The following APP variants were observed in gnomAD, a reference collection of about 807,000 sequenced individuals.
APP encodes amyloid beta precursor protein, also known as amyloid-beta precursor protein.
In APP, 31 loss-of-function variants were observed where a neutral mutation model predicts 101.4. That is an observed-to-expected ratio of 0.31 (90% CI 0.23 to 0.41). The LOEUF is 0.41. APP is among the 10% of genes least tolerant of loss of function. The pLI, the probability that APP is intolerant of heterozygous loss-of-function variation, is 1.00. For synonymous variants in APP, 366 were observed against 364.4 expected, an observed-to-expected ratio of 1.00 and a Z score of -0.05; for missense variants, 839 against 1,003.7, an observed-to-expected ratio of 0.84 and a Z score of 2.22.
intron 17 of APP, 136 bp from the exon 18 acceptor site, chr21:25,881,907 C>A: frequency 1.1e-6 from 1 of 893,424 alleles, no homozygotes; most frequent in East Asian, 2.6e-5. Context: ...TTTTCTCCCC[C>A]ACTTTGACAT....
At chr21:26,105,423 A>C (rs1052869030) in intron 2 of APP, among the ~76,000 whole-genome samples, 1 of 152,106 alleles carries the variant, frequency 6.6e-6, no homozygotes, top group Non-Finnish European at 1.5e-5. Flanking sequence ...AACTTATAAA[A>C]CCTGTGAGAA....
At chr21:26,136,828 T>C (rs1569019972) in intron 1 of APP, among the ~76,000 whole-genome samples, 1 of 152,218 alleles carries the variant, frequency 6.6e-6, no homozygotes, top group Non-Finnish European at 1.5e-5. Context: ...GTGCCTGTCT[T>C]CTGTTGCCAG....
chr21:26,098,507 A>T (rs1005519005), intron 2 of APP, among the ~76,000 whole-genome samples: 2 of 152,196 alleles, frequency 1.3e-5, no homozygotes, highest in Non-Finnish European at 2.9e-5. Context: ...CTTTGTCTCT[A>T]TTCCCAACAT....
At chr21:26,099,168 G>GAA (rs781673242) in intron 2 of APP, among the ~76,000 whole-genome samples, 2 of 136,150 alleles carry the variant, frequency 1.5e-5, no homozygotes, top group Admixed American at 1.5e-4. Context: ...TGTGAAAAAG[G>GAA]AAAAAAAAAA....
At chr21:26,098,326 T>C (rs1290786699) in intron 2 of APP, among the ~76,000 whole-genome samples, 1 of 151,994 alleles carries the variant, frequency 6.6e-6, no homozygotes, top group Admixed American at 6.6e-5. Flanking sequence ...GTCTCTCTTC[T>C]CACTATCTCT....
chr21:26,126,818 C>T (rs2062694120), intron 1 of APP, among the ~76,000 whole-genome samples: 1 of 152,032 alleles, frequency 6.6e-6, no homozygotes. Context: ...TTACTGTTCT[C>T]TGTATTTCTA....
chr21:26,155,955 C>G (rs569876072), intron 1 of APP, among the ~76,000 whole-genome samples: 1 of 149,654 alleles, frequency 6.7e-6, no homozygotes, highest in African/African-American at 2.5e-5. Context: ...GAGCCGAGAC[C>G]GTGCCACTGC....
At chr21:25,993,577 G>C (rs2042949468) in intron 8 of APP, among the ~76,000 whole-genome samples, 1 of 152,206 alleles carries the variant, frequency 6.6e-6, no homozygotes, top group African/African-American at 2.4e-5. Flanking sequence ...TGCAAATATT[G>C]AGAGCTTGGA....
chr21:25,981,252 C>G (rs1783026), intron 9 of APP, among the ~76,000 whole-genome samples: 11 of 151,946 alleles, frequency 7.2e-5, no homozygotes, highest in Non-Finnish European at 2.9e-5. Flanking sequence ...TTAGAAAATA[C>G]GCAGCAGTCT....
At chr21:26,049,500 T>G (rs957567594) in intron 5 of APP, among the ~76,000 whole-genome samples, 3 of 151,980 alleles carry the variant, frequency 2.0e-5, no homozygotes, top group African/African-American at 7.3e-5. Flanking sequence ...TGATAGGTCA[T>G]CAAGACAGAG....
intron 3 of APP, among the ~76,000 whole-genome samples, chr21:26,053,979 G>T (rs1435203328): frequency 6.6e-6 from 1 of 152,124 alleles, no homozygotes; most frequent in Admixed American, 6.5e-5. Flanking sequence ...AAGATATAAA[G>T]ATATTACATA....
intron 5 of APP, among the ~76,000 whole-genome samples, chr21:26,033,054 A>G (rs2044913478): frequency 1.3e-5 from 2 of 152,220 alleles, no homozygotes. Flanking sequence ...ATGAATGAAT[A>G]GAAATCTACA....
chr21:26,058,634 G>A (rs2046136896), intron 3 of APP, among the ~76,000 whole-genome samples: 1 of 152,196 alleles, frequency 6.6e-6, no homozygotes, highest in Non-Finnish European at 1.5e-5. Context: ...AGGGAAAGAT[G>A]TATCAAAACT....
At chr21:26,104,183 C>T (rs1457983542) in intron 2 of APP, among the ~76,000 whole-genome samples, 3 of 151,620 alleles carry the variant, frequency 2.0e-5, no homozygotes, top group African/African-American at 7.3e-5. Flanking sequence ...CCTCATCTAA[C>T]AGTTATCACC....
chr21:26,170,402 AAAGCGGGGATGCGCTGGACGTCCGC>A, intron 1 of APP, among the ~76,000 whole-genome samples, 137 bp downstream of exon 1: 1 of 152,242 alleles, frequency 6.6e-6, no homozygotes, highest in Admixed American at 6.5e-5. Context: ...GGCTGGGCCG[AAAGCGGGGATGCGCTGGACGTCCGC>A]AAGCGGGGGC....
At chr21:26,049,791 G>A (rs2045761656) in intron 5 of APP, among the ~76,000 whole-genome samples, 2 of 152,148 alleles carry the variant, frequency 1.3e-5, no homozygotes, top group Admixed American at 6.5e-5. Context: ...AGAGGATAAT[G>A]GACTAAAAGC....
chr21:26,000,311 C>T, intron 6 of APP, 129 bp from the exon 7 acceptor site: 1 of 1,144,736 alleles, frequency 8.7e-7, no homozygotes, highest in East Asian at 2.5e-5. Flanking sequence ...CAGCATCTAC[C>T]AAACATTTAC....
intron 5 of APP, among the ~76,000 whole-genome samples, chr21:26,045,003 C>T (rs955403782): frequency 3.9e-5 from 6 of 152,122 alleles, no homozygotes; most frequent in Admixed American, 1.3e-4. Context: ...TTATGCAACA[C>T]ATTTTATGTC....
At chr21:26,042,270 AC>A (rs1321713144) in intron 5 of APP, among the ~76,000 whole-genome samples, 1 of 152,178 alleles carries the variant, frequency 6.6e-6, no homozygotes, top group Non-Finnish European at 1.5e-5. Flanking sequence ...TTTCTCTCTC[AC>A]CTAATTTTAA....
Sources: allele counts gnomAD v4.1 joint callset (sites outside exome capture counted in the v4.1 genomes callset), GRCh38; gene constraint gnomAD v4.1.1; transcripts MANE v1.5; gene names NCBI Gene and HGNC (gene_info 2026-07-23, HGNC 2026-07-21).